QTMAN: variants seen among roughly 807,000 people sequenced by gnomAD.
QTMAN encodes the protein queuosine-tRNA mannosyltransferase, also known as tRNA-queuosine alpha-mannosyltransferase.
chr2:144,199,050 T>C, the QTMAN span, among the ~76,000 whole-genome samples: 2 of 128,340 alleles, frequency 1.6e-5, no homozygotes, highest in South Asian at 2.4e-4. Flanking sequence ...TGTACTGTAC[T>C]TTTTTTTTTT....
chr2:144,046,764 A>C, the QTMAN span, among the ~76,000 whole-genome samples: 1 of 152,202 alleles, frequency 6.6e-6, no homozygotes, highest in African/African-American at 2.4e-5. Context: ...TACATTTCTA[A>C]CAAAATATTC....
the QTMAN span, among the ~76,000 whole-genome samples, chr2:144,297,449 A>G: frequency 6.6e-6 from 1 of 152,076 alleles, no homozygotes; most frequent in Non-Finnish European, 1.5e-5. Context: ...CTGGTCCCTC[A>G]TAAGTAAGAG....
the QTMAN span, chr2:143,942,839 C>CTCAA: frequency 6.1e-6 from 1 of 164,410 alleles, no homozygotes; most frequent in East Asian, 1.9e-4. Context: ...AGTTTTCTGA[C>CTCAA]TCAATCAATA....
chr2:143,977,416 AGAG>A, the QTMAN span, among the ~76,000 whole-genome samples: 1 of 152,204 alleles, frequency 6.6e-6, no homozygotes, highest in African/African-American at 2.4e-5. Flanking sequence ...GGAGAGGAGC[AGAG>A]GAGAACAGAG....
chr2:144,055,135 C>T, the QTMAN span, among the ~76,000 whole-genome samples: 1 of 152,124 alleles, frequency 6.6e-6, no homozygotes, highest in Non-Finnish European at 1.5e-5. Flanking sequence ...GTCCCTTGAG[C>T]TGGAAAAACC....
chr2:144,292,018 T>A, the QTMAN span, among the ~76,000 whole-genome samples: 2 of 152,222 alleles, frequency 1.3e-5, no homozygotes, highest in Non-Finnish European at 2.9e-5. Flanking sequence ...GACAACTAGT[T>A]GTCACAAGAC....
chr2:144,312,772 G>A, the QTMAN span, among the ~76,000 whole-genome samples: 1 of 152,134 alleles, frequency 6.6e-6, no homozygotes, highest in Non-Finnish European at 1.5e-5. Flanking sequence ...GTTCTCCTGA[G>A]ATCTGATGGT....
At chr2:144,295,670 T>C in the QTMAN span, among the ~76,000 whole-genome samples, 1 of 152,142 alleles carries the variant, frequency 6.6e-6, no homozygotes, top group Non-Finnish European at 1.5e-5. Flanking sequence ...TGGAGTGCAG[T>C]GGCAAGACTG....
chr2:144,213,738 T>G, the QTMAN span, among the ~76,000 whole-genome samples: 20 of 152,204 alleles, frequency 1.3e-4, no homozygotes, highest in Non-Finnish European at 2.9e-5. Context: ...GATTTACCTA[T>G]ATGCAATATT....
chr2:144,158,563 C>T, the QTMAN span, among the ~76,000 whole-genome samples: 4 of 151,654 alleles, frequency 2.6e-5, no homozygotes, highest in Non-Finnish European at 4.4e-5. Context: ...CTAGGTAGTT[C>T]GCTGTAGGGA....
the QTMAN span, among the ~76,000 whole-genome samples, chr2:144,264,650 G>A: frequency 6.6e-5 from 10 of 152,160 alleles, no homozygotes; most frequent in African/African-American, 2.4e-4. Flanking sequence ...AGTCAGGAAC[G>A]AAATCCAAGA....
At chr2:144,263,707 A>G in the QTMAN span, among the ~76,000 whole-genome samples, 1 of 152,242 alleles carries the variant, frequency 6.6e-6, no homozygotes, top group African/African-American at 2.4e-5. Flanking sequence ...TGGGTGACAG[A>G]GTGAGACTTT....
the QTMAN span, among the ~76,000 whole-genome samples, chr2:144,088,931 C>T: frequency 6.6e-6 from 1 of 151,810 alleles, no homozygotes. Flanking sequence ...ATGGCTAAGA[C>T]CTAAAAAGCA....
the QTMAN span, among the ~76,000 whole-genome samples, chr2:144,101,313 T>C: frequency 6.6e-6 from 1 of 152,134 alleles, no homozygotes; most frequent in Non-Finnish European, 1.5e-5. Flanking sequence ...CCTTTGTACC[T>C]TAGCCACCTC....
chr2:144,259,289 G>A, the QTMAN span, among the ~76,000 whole-genome samples: 2 of 152,150 alleles, frequency 1.3e-5, no homozygotes, highest in South Asian at 4.1e-4. Context: ...CTCCTCAGAA[G>A]CTGGGATTAC....
the QTMAN span, among the ~76,000 whole-genome samples, chr2:144,232,743 G>C: frequency 6.6e-6 from 1 of 152,018 alleles, no homozygotes; most frequent in Non-Finnish European, 1.5e-5. Context: ...CATTTGTTTT[G>C]CTTAATACAA....
the QTMAN span, among the ~76,000 whole-genome samples, chr2:143,991,140 C>T: frequency 9.2e-5 from 14 of 151,944 alleles, no homozygotes; most frequent in Non-Finnish European, 1.9e-4. Context: ...ATATCCAGAT[C>T]CAGATTCCAA....
At chr2:144,181,261 C>T in the QTMAN span, among the ~76,000 whole-genome samples, 1 of 152,194 alleles carries the variant, frequency 6.6e-6, no homozygotes, top group African/African-American at 2.4e-5. Flanking sequence ...TCTATGCACA[C>T]AGTGCATTAC....
chr2:144,001,559 G>C, the QTMAN span, among the ~76,000 whole-genome samples: 2 of 151,894 alleles, frequency 1.3e-5, no homozygotes, highest in Non-Finnish European at 2.9e-5. Context: ...ATGAGGTCAT[G>C]GTAGAACTTA....
Sources: gnomAD v4.1 joint callset for allele counts (sites outside exome capture counted in the v4.1 genomes callset) on GRCh38, gnomAD v4.1.1 for gene constraint, MANE v1.5 for transcripts, NCBI Gene and HGNC (gene_info 2026-07-23, HGNC 2026-07-21) for gene names.